The following SRGAP3 variants were observed in gnomAD, a reference collection of about 807,000 sequenced individuals.
SRGAP3 encodes the protein SLIT-ROBO Rho GTPase activating protein 3.
A neutral mutation model predicts 121.1 loss-of-function variants in SRGAP3; 39 were observed. The observed-to-expected ratio is 0.32, with a 90% CI of 0.25 to 0.42. The LOEUF is 0.42. Ranked by LOEUF, SRGAP3 falls within the 10% of genes least tolerant of loss-of-function variation. The probability of loss-of-function intolerance (pLI) is 1.00; values close to 1 mark genes in which losing one functional copy is unlikely to be tolerated. For missense variants in SRGAP3, 1,213 were observed against 1,470.6 expected (o/e 0.82, Z 2.86); for synonymous variants, 601 against 570.0 (o/e 1.05, Z -0.77).
chr3:9,184,994 T>C (rs1246303967), intron 1 of SRGAP3, among the ~76,000 whole-genome samples: 1 of 152,150 alleles, frequency 6.6e-6, no homozygotes, highest in African/African-American at 2.4e-5. Flanking sequence ...TATACCTTGT[T>C]CTTCCCATCC....
At chr3:9,105,552 C>A (rs537237277) in intron 2 of SRGAP3, among the ~76,000 whole-genome samples, 2 of 152,330 alleles carry the variant, frequency 1.3e-5, no homozygotes, top group Middle Eastern at 3.4e-3. Context: ...AGAGCATGAC[C>A]TGGGGACTGG....
intron 18 of SRGAP3, among the ~76,000 whole-genome samples, chr3:9,009,181 G>C (rs772302653): frequency 1.3e-5 from 2 of 152,188 alleles, no homozygotes; most frequent in Admixed American, 6.5e-5. Context: ...CTACTAGAAT[G>C]TGAAAACCCA....
chr3:9,058,284 G>C lies in SRGAP3; in HGVS notation c.990C>G (p.Leu330=). The change falls in exon 7 of 22, where the codon CTC becomes CTG. Residue 330 remains leucine (L), a synonymous_variant. Coordinates refer to ENST00000383836, the MANE Select transcript of SRGAP3 (RefSeq NM_014850.4). Reference sequence around the variant, plus strand: ...CCATGTGGGGCTGGAACTCGAACTTGAGTGGAGGGCAGAAGACTTGATTGC... The same window carrying C: ...CCATGTGGGGCTGGAACTCGAACTTCAGTGGAGGGCAGAAGACTTGATTGC... ...DMCNQVFCPP[L]KFEFQPHMGD... 2 of 1,614,262 alleles carry C rather than the reference G, an allele frequency of 1.2e-6. No individual in the cohort carries two copies. The highest frequency in any genetic ancestry group is 1.7e-6 in the Non-Finnish European group (2 of 1,180,046).
At position 9,027,127 on chromosome 3, in the gene SRGAP3, C is replaced by G. The variant is rs1043664677; in HGVS notation, c.1540-132G>C. The G allele has an allele frequency of 1.2e-5, 10 of 842,756 alleles. No homozygotes were observed. In the African/African-American group the frequency reaches 1.3e-4, roughly 11 times the overall value. 52.2% of individuals were successfully genotyped at this position (842,756 alleles called of 1,614,324 possible). A position where few individuals can be genotyped will look rare whatever the true frequency, so the allele number is the denominator to read the frequency against. ...GATTAGTAGGAAAACAAGCAAGGAACTGCTAATCCTAAAGTCTCCACGGAC... is the reference window on the plus strand; with the variant it reads ...GATTAGTAGGAAAACAAGCAAGGAAGTGCTAATCCTAAAGTCTCCACGGAC... On this transcript the variant is annotated intron_variant, in intron 12 of 21. Coordinates refer to ENST00000383836, the MANE Select transcript of SRGAP3 (RefSeq NM_014850.4).
chr3:9,238,377 A>C (rs1343379104), intron 1 of SRGAP3, among the ~76,000 whole-genome samples: 2 of 152,150 alleles, frequency 1.3e-5, no homozygotes, highest in Non-Finnish European at 2.9e-5. Context: ...AAAAAGAGTC[A>C]ATTCTTGGCA....
chr3:9,336,713 T>C (rs1270823323), intron 1 of SRGAP3, among the ~76,000 whole-genome samples: 2 of 152,100 alleles, frequency 1.3e-5, no homozygotes, highest in African/African-American at 4.8e-5. Context: ...GGGCAGAAGA[T>C]ATGTGTTGAG....
At chr3:9,075,334 T>C (rs921560866) in intron 4 of SRGAP3, among the ~76,000 whole-genome samples, 1 of 152,156 alleles carries the variant, frequency 6.6e-6, no homozygotes, top group Admixed American at 6.5e-5. Flanking sequence ...GCATATGTGC[T>C]AGTGTGTGGT....
intron 1 of SRGAP3, among the ~76,000 whole-genome samples, chr3:9,171,224 C>G (rs1950965497): frequency 6.6e-6 from 1 of 152,242 alleles, no homozygotes; most frequent in Non-Finnish European, 1.5e-5. Flanking sequence ...CAACGTGTTA[C>G]TCCTTGGGCC....
At chr3:9,041,717 G>C (rs752905160) in intron 10 of SRGAP3, among the ~76,000 whole-genome samples, 4 of 152,154 alleles carry the variant, frequency 2.6e-5, no homozygotes, top group African/African-American at 9.7e-5. Context: ...CTCAAGAACT[G>C]CTTCCAGTTC....
chr3:9,005,738 G>A (rs1943030937), intron 18 of SRGAP3, among the ~76,000 whole-genome samples: 1 of 152,172 alleles, frequency 6.6e-6, no homozygotes, highest in Admixed American at 6.5e-5. Flanking sequence ...ACTTACAGTT[G>A]CATTGACTAG....
chr3:9,215,955 T>C (rs945280094), intron 1 of SRGAP3, among the ~76,000 whole-genome samples: 2 of 152,200 alleles, frequency 1.3e-5, no homozygotes, highest in African/African-American at 2.4e-5. Flanking sequence ...CAACCTCCAT[T>C]ATGATGTGAG....
At chr3:9,307,119 C>G (rs546702216) in intron 3 of SRGAP3, among the ~76,000 whole-genome samples, 59 of 152,262 alleles carry the variant, frequency 3.9e-4, no homozygotes, top group Admixed American at 1.9e-3. Context: ...ACTAGAGGCA[C>G]GTGCCATCAC....
intron 9 of SRGAP3, chr3:9,049,132 C>T (rs1945431083): frequency 3.6e-6 from 1 of 275,670 alleles, no homozygotes; most frequent in Non-Finnish European, 7.3e-6. Context: ...CTCAGACACC[C>T]CCAAGTCAAC....
At chr3:9,065,044 C>T (rs920302195) in intron 4 of SRGAP3, among the ~76,000 whole-genome samples, 2 of 152,046 alleles carry the variant, frequency 1.3e-5, no homozygotes, top group Non-Finnish European at 2.9e-5. Context: ...GGGGAAAGCC[C>T]CTCCTCCCAC....
Position 9,210,972 on chromosome 3 carries a change from A to G in SRGAP3, c.67+37913T>C, listed in dbSNP as rs577876248. 3.9e-5 allele frequency among the ~76,000 whole-genome samples: 6 copies of G among 152,356 alleles called. No homozygotes were observed. The East Asian group carries it at 1.2e-3, about 29-fold the overall frequency. On this transcript the variant is annotated intron_variant, in intron 1 of 21. Transcript: ENST00000383836. ...TATACATTAGTACGTACTAAAAACA[A>G]AAAAATCCGGAGGATTATATAACAA...
At chr3:9,116,542 G>A (rs1480230042) in intron 2 of SRGAP3, among the ~76,000 whole-genome samples, 2 of 152,210 alleles carry the variant, frequency 1.3e-5, no homozygotes, top group Non-Finnish European at 2.9e-5. Flanking sequence ...AGGAGCAGCT[G>A]ACTGTAGACT....
At chr3:9,252,322 G>T (rs1283876720), upstream of SRGAP3, among the ~76,000 whole-genome samples, 2 of 152,034 alleles carry the variant, frequency 1.3e-5, no homozygotes, top group Non-Finnish European at 1.5e-5. Context: ...CAAGATGGGG[G>T]TCTCACCATG....
chr3:9,280,734 A>G (rs541644118), intron 3 of SRGAP3, among the ~76,000 whole-genome samples: 6 of 152,350 alleles, frequency 3.9e-5, no homozygotes, highest in South Asian at 2.1e-4. Context: ...CAGACATTTA[A>G]TAGGATGCAG....
intron 1 of SRGAP3, among the ~76,000 whole-genome samples, chr3:9,341,105 T>C (rs1284725062): frequency 1.3e-5 from 2 of 152,176 alleles, no homozygotes; most frequent in East Asian, 1.9e-4. Flanking sequence ...CAGAGTCCTA[T>C]GTGATTAGGA....
Sources: gnomAD v4.1 joint callset for allele counts (sites outside exome capture counted in the v4.1 genomes callset) on GRCh38, gnomAD v4.1.1 for gene constraint, MANE v1.5 for transcripts, NCBI Gene and HGNC (gene_info 2026-07-23, HGNC 2026-07-21) for gene names.